MAF: variants seen among roughly 807,000 people sequenced by gnomAD.
MAF encodes transcription factor Maf.
Under a neutral mutation model 22.0 loss-of-function variants are expected in MAF, and 10 were observed. The ratio of observed to expected loss-of-function variants is 0.45; its 90% CI spans 0.28 to 0.77. The LOEUF is 0.77. MAF is among the 30% of genes least tolerant of loss of function. The pLI is 0.12. For missense variants in MAF, 544 were observed against 548.4 expected, an observed-to-expected ratio of 0.99 and a Z score of 0.08; for synonymous variants, 337 against 255.8, an observed-to-expected ratio of 1.32 and a Z score of -3.03.
the MAF span, among the ~76,000 whole-genome samples, chr16:79,375,809 C>G: frequency 6.6e-6 from 1 of 152,104 alleles, no homozygotes; most frequent in African/African-American, 2.4e-5. Flanking sequence ...TTGGCAAATC[C>G]CAGTTCACTC....
At chr16:79,427,758 A>G in the MAF span, among the ~76,000 whole-genome samples, 1 of 152,138 alleles carries the variant, frequency 6.6e-6, no homozygotes, top group Admixed American at 6.5e-5. Context: ...CCCAGCCTCC[A>G]TTACACCTAG....
the MAF span, among the ~76,000 whole-genome samples, chr16:79,576,415 T>C: frequency 1.3e-5 from 2 of 152,126 alleles, no homozygotes; most frequent in Non-Finnish European, 2.9e-5. Context: ...TCGTCATGCA[T>C]GTTAGTATAC....
At chr16:79,254,934 A>G in the MAF span, among the ~76,000 whole-genome samples, 475 of 152,310 alleles carry the variant, frequency 3.1e-3, 7 homozygotes, top group Admixed American at 0.023. Context: ...GAAAAATTCC[A>G]AGAGTCGAAT....
chr16:79,497,258 A>C, the MAF span, among the ~76,000 whole-genome samples: 3 of 152,208 alleles, frequency 2.0e-5, no homozygotes, highest in African/African-American at 7.2e-5. Flanking sequence ...GAAGAAAAAA[A>C]GGCTTATTGT....
At chr16:79,565,796 G>C in the MAF span, among the ~76,000 whole-genome samples, 5 of 152,170 alleles carry the variant, frequency 3.3e-5, no homozygotes, top group African/African-American at 1.2e-4. Flanking sequence ...GATAAACTTA[G>C]CAGGCTCAGG....
At chr16:79,502,708 A>AATATAAATATATATATATATATATAT in the MAF span, among the ~76,000 whole-genome samples, 2 of 34,006 alleles carry the variant, frequency 5.9e-5, no homozygotes, top group Non-Finnish European at 1.1e-4. Context: ...TATAAATATA[A>AATATAAATATATATATATATATATAT]ATATATATAT....
chr16:79,250,073 A>T, the MAF span, among the ~76,000 whole-genome samples: 1 of 152,232 alleles, frequency 6.6e-6, no homozygotes, highest in African/African-American at 2.4e-5. Context: ...TCTGAGTTGA[A>T]TTATGACTGC....
At chr16:79,535,929 T>C in the MAF span, among the ~76,000 whole-genome samples, 1 of 152,220 alleles carries the variant, frequency 6.6e-6, no homozygotes, top group Admixed American at 6.5e-5. Context: ...GATACCGCCA[T>C]GAAGTCAAGG....
chr16:79,287,973 G>A, the MAF span, among the ~76,000 whole-genome samples: 1 of 152,178 alleles, frequency 6.6e-6, no homozygotes, highest in Admixed American at 6.5e-5. Flanking sequence ...AACAACATGT[G>A]CCATACCAGT....
At chr16:79,262,949 C>A in the MAF span, among the ~76,000 whole-genome samples, 1 of 152,204 alleles carries the variant, frequency 6.6e-6, no homozygotes, top group Non-Finnish European at 1.5e-5. Flanking sequence ...ATGAGTAGGA[C>A]AATCAGATAC....
At chr16:79,308,952 G>T in the MAF span, among the ~76,000 whole-genome samples, 1 of 152,268 alleles carries the variant, frequency 6.6e-6, no homozygotes, top group Non-Finnish European at 1.5e-5. Flanking sequence ...GGCCACTTAT[G>T]GAAGTAACAT....
the MAF span, among the ~76,000 whole-genome samples, chr16:79,364,593 C>T: frequency 6.6e-6 from 1 of 152,206 alleles, no homozygotes; most frequent in Non-Finnish European, 1.5e-5. Flanking sequence ...CACTGTTTTC[C>T]AACTACAAAT....
chr16:79,558,752 C>G, the MAF span, among the ~76,000 whole-genome samples: 1 of 152,186 alleles, frequency 6.6e-6, no homozygotes, highest in Non-Finnish European at 1.5e-5. Flanking sequence ...TTCAAGAGTC[C>G]AGTGGCTTTC....
rs1477871022 is a variant in MAF, at chr16:79,600,479, T to G, written c.-577A>C. ...GCCTCCTCTTCTGCTTGGCTCTCTTTATTATTTTTTTTCTTTCCTCTCTCT... is the reference window on the plus strand; with the variant it reads ...GCCTCCTCTTCTGCTTGGCTCTCTTGATTATTTTTTTTCTTTCCTCTCTCT... On this transcript the variant is annotated 5_prime_UTR_variant, in exon 1 of 2. Coordinates refer to ENST00000326043, the MANE Select transcript of MAF (RefSeq NM_005360.5). 2.1e-5 allele frequency: 4 copies of G among 194,752 alleles called. No homozygotes were observed. The highest frequency in any genetic ancestry group is 3.5e-5 in the Non-Finnish European group (3 of 84,602). The allele number at this position is 194,752 out of a possible 1,614,324, so 12.1% of individuals were successfully genotyped here.
the MAF span, among the ~76,000 whole-genome samples, chr16:79,244,047 G>A: frequency 6.6e-6 from 1 of 151,918 alleles, no homozygotes; most frequent in Non-Finnish European, 1.5e-5. Context: ...AATAAACTAG[G>A]TATTGATGGA....
chr16:79,373,190 T>C, the MAF span, among the ~76,000 whole-genome samples: 2 of 151,950 alleles, frequency 1.3e-5, no homozygotes, highest in Non-Finnish European at 2.9e-5. Flanking sequence ...GGAACTGCTA[T>C]GGTTTGAATG....
At chr16:79,410,685 C>T in the MAF span, among the ~76,000 whole-genome samples, 1 of 152,164 alleles carries the variant, frequency 6.6e-6, no homozygotes, top group Admixed American at 6.5e-5. Context: ...AGAGTGAATG[C>T]AGGAAGGCTG....
chr16:79,381,834 A>T, the MAF span, among the ~76,000 whole-genome samples: 1 of 152,200 alleles, frequency 6.6e-6, no homozygotes, highest in Admixed American at 6.5e-5. Context: ...CACAGAGTGG[A>T]TATGCTGTGA....
the MAF span, among the ~76,000 whole-genome samples, chr16:79,417,753 A>T: frequency 1.3e-5 from 2 of 151,998 alleles, no homozygotes. Flanking sequence ...AAATATCAGG[A>T]GCTTAGTTTT....
Sources: gnomAD v4.1 joint callset for allele counts (sites outside exome capture counted in the v4.1 genomes callset) on GRCh38, gnomAD v4.1.1 for gene constraint, MANE v1.5 for transcripts, NCBI Gene and HGNC (gene_info 2026-07-23, HGNC 2026-07-21) for gene names.